EBAG9: variants seen among roughly 807,000 people sequenced by gnomAD.
The protein encoded by EBAG9 is estrogen receptor binding site associated antigen 9.
A neutral mutation model predicts 30.9 loss-of-function variants in EBAG9; 16 were observed. That is an observed-to-expected ratio of 0.52 (90% confidence interval 0.35 to 0.79). The LOEUF is 0.79. EBAG9 is among the 30% of genes least tolerant of loss of function. The pLI is 0.01. For missense variants in EBAG9, 197 were observed against 242.1 expected (o/e 0.81, Z 1.24); for synonymous variants, 93 against 82.8 (o/e 1.12, Z -0.67).
At chr8:109,564,410 T>C (rs765920673) in intron 6 of EBAG9, 29 bp from the exon 7 acceptor site, 1 of 1,606,042 alleles carries the variant, frequency 6.2e-7, no homozygotes, top group Non-Finnish European at 8.5e-7. Context: ...TTTGGTATTT[T>C]CTAAAAGTAA....
At chr8:109,557,537 A>G (rs997663514) in intron 5 of EBAG9, among the ~76,000 whole-genome samples, 7 of 152,218 alleles carry the variant, frequency 4.6e-5, no homozygotes, top group African/African-American at 1.7e-4. Flanking sequence ...AAAAGCACAA[A>G]TGTCCAGACC....
At chr8:109,558,605 T>A (rs1821649972) in intron 5 of EBAG9, among the ~76,000 whole-genome samples, 1 of 152,024 alleles carries the variant, frequency 6.6e-6, no homozygotes, top group African/African-American at 2.4e-5. Context: ...CTTACAGAGT[T>A]GAGAAGGGGT....
chr8:109,544,774 T>C (rs1821349807), intron 1 of EBAG9, among the ~76,000 whole-genome samples: 1 of 152,236 alleles, frequency 6.6e-6, no homozygotes, highest in African/African-American at 2.4e-5. Flanking sequence ...GAAAAATGAC[T>C]ATCTCTAATG....
rs1329359810 is a variant in EBAG9, at chr8:109,557,015, A to G, written c.402A>G (p.Thr134=). ...GTTTCTCTAGTAGATTAGCAGCTAC[A>G]CAAGATCTGCCTTTTATTCATCAGT... ...STGFSSRLAA[T]QDLPFIHQSS... Residue 134 remains threonine, a synonymous_variant, in exon 5 of 7, where the codon ACA becomes ACG. Transcript: ENST00000337573. The G allele has an allele frequency of 1.2e-6, 2 of 1,607,082 alleles. No individual in the cohort carries two copies. Among genetic ancestry groups the G allele is most frequent in the Non-Finnish European group, 1.7e-6 (2 of 1,175,952 alleles).
chr8:109,550,437 T>C (rs1273142061), intron 1 of EBAG9: 1 of 155,054 alleles, frequency 6.4e-6, no homozygotes, highest in Non-Finnish European at 1.4e-5. Context: ...GTTAAAAATA[T>C]TTAAAGTATT....
Position 109,553,868 on chromosome 8 carries a change from T to A in EBAG9, c.87T>A (p.Ser29=), listed in dbSNP as rs1163471367. 2 of 1,607,246 alleles carry A rather than the reference T, an allele frequency of 1.2e-6. No homozygotes were observed. Among genetic ancestry groups the A allele is most frequent in the Non-Finnish European group, 1.7e-6 (2 of 1,177,932 alleles). ...FSFLKRLICR[S]GRGRKLSGDQ... The stretch of plus-strand genomic sequence containing the variant: ...AATTATTTCATTTTTGTTTCAGATC[T>A]GGCAGAGGACGGAAATTAAGTGGAG... The change falls in exon 3 of 7, where the codon TCT becomes TCA. Residue 29 remains serine (S), a synonymous_variant. Transcript: ENST00000337573.
At chr8:109,560,810 CTT>C in intron 5 of EBAG9, 26 bp from the exon 6 acceptor site, 1 of 1,543,106 alleles carries the variant, frequency 6.5e-7, no homozygotes, top group Non-Finnish European at 8.9e-7. Flanking sequence ...CTTTTACTCT[CTT>C]AATTTTGTTT....
At chr8:109,551,334 A>C (rs1272866202) in intron 2 of EBAG9, among the ~76,000 whole-genome samples, 1 of 152,072 alleles carries the variant, frequency 6.6e-6, no homozygotes, top group African/African-American at 2.4e-5. Context: ...CCTAAAAAAA[A>C]AAAATTTTTT....
intron 5 of EBAG9, among the ~76,000 whole-genome samples, chr8:109,560,495 C>G (rs1456126382): frequency 6.6e-6 from 1 of 152,232 alleles, no homozygotes; most frequent in African/African-American, 2.4e-5. Flanking sequence ...CTATCCCCAG[C>G]TCCCTCATCT....
intron 6 of EBAG9, among the ~76,000 whole-genome samples, chr8:109,563,904 A>G (rs868293933): frequency 1.3e-5 from 2 of 152,066 alleles, no homozygotes; most frequent in African/African-American, 4.8e-5. Context: ...TAATCCTGAA[A>G]TTTACTTGGT....
At chr8:109,546,050 G>T (rs555119767) in intron 1 of EBAG9, among the ~76,000 whole-genome samples, 1 of 152,184 alleles carries the variant, frequency 6.6e-6, no homozygotes, top group Non-Finnish European at 1.5e-5. Context: ...AAATGCTATT[G>T]TGAAATCAGA....
intron 5 of EBAG9, 68 bp from the exon 6 acceptor site, chr8:109,560,770 C>A: frequency 9.0e-7 from 1 of 1,108,330 alleles, no homozygotes; most frequent in South Asian, 1.3e-5. Context: ...AAAAGATACT[C>A]TTTTTAACGG....
At chr8:109,553,362 G>A (rs1401286758) in intron 2 of EBAG9, among the ~76,000 whole-genome samples, 2 of 152,152 alleles carry the variant, frequency 1.3e-5, no homozygotes, top group South Asian at 2.1e-4. Context: ...GTTATAGTAC[G>A]TCCTGTTGAA....
At chr8:109,551,917 G>A (rs1821502357) in intron 2 of EBAG9, among the ~76,000 whole-genome samples, 1 of 151,958 alleles carries the variant, frequency 6.6e-6, no homozygotes, top group African/African-American at 2.4e-5. Context: ...TTTTTACAAT[G>A]GCTACTAAGC....
At chr8:109,540,123 G>T (rs1821240508), upstream of EBAG9, 1 of 152,434 alleles carries the variant, frequency 6.6e-6, no homozygotes, top group African/African-American at 2.4e-5. Flanking sequence ...TACTGTTTCC[G>T]GGTCAGGGTG....
chr8:109,563,273 A>G (rs1417829940), intron 6 of EBAG9: 3 of 1,046,572 alleles, frequency 2.9e-6, no homozygotes, highest in Non-Finnish European at 4.2e-6. Context: ...CCAGACATAG[A>G]TAATCCACTT....
intron 1 of EBAG9, among the ~76,000 whole-genome samples, chr8:109,547,154 A>G (rs1821400694): frequency 1.3e-5 from 2 of 151,964 alleles, no homozygotes; most frequent in East Asian, 1.9e-4. Context: ...GCCTTCAAAT[A>G]CAAGTCTTTA....
chr8:109,554,850 T>C lies in EBAG9; in HGVS notation c.284T>C (p.Phe95Ser). ...TTGGAACAACTGGAACCTGACTATT[T>C]TAAGGACATGACACCAACTATTAGG... Reference protein sequence around the residue: ...NSLEQLEPDYFKDMTPTIRKT... With the variant: ...NSLEQLEPDYSKDMTPTIRKT... Residue 95 changes from phenylalanine to serine, a missense_variant, in exon 4 of 7, where the codon TTT becomes TCT. Phe to Ser is a radical substitution (Grantham distance 155). Transcript: ENST00000337573. 1.2e-6 allele frequency: 2 copies of C among 1,613,760 alleles called. No individual in the cohort carries two copies. Among genetic ancestry groups the C allele is most frequent in the Non-Finnish European group, 1.7e-6 (2 of 1,179,728 alleles).
chr8:109,544,698 G>A (rs1265389729), intron 1 of EBAG9, among the ~76,000 whole-genome samples: 2 of 152,176 alleles, frequency 1.3e-5, no homozygotes, highest in African/African-American at 4.8e-5. Flanking sequence ...ACACACATAT[G>A]TATGTTTGCC....
Sources: allele counts gnomAD v4.1 joint callset (sites outside exome capture counted in the v4.1 genomes callset), GRCh38; gene constraint gnomAD v4.1.1; transcripts MANE v1.5; gene names NCBI Gene and HGNC (gene_info 2026-07-23, HGNC 2026-07-21).